Variants in CCSER1 observed in about 807,000 individuals in gnomAD.
CCSER1 encodes coiled-coil serine rich protein 1.
In CCSER1, 41 loss-of-function variants were observed where a neutral mutation model predicts 82.0. The observed-to-expected ratio is 0.50, with a 90% confidence interval of 0.39 to 0.65. CCSER1 has a LOEUF of 0.65. CCSER1 is among the 30% of genes least tolerant of loss of function. The probability of loss-of-function intolerance (pLI) is 0.00; values close to 1 mark genes in which losing one functional copy is unlikely to be tolerated. For synonymous variants in CCSER1, 414 were observed against 383.9 expected, an observed-to-expected ratio of 1.08 and a Z score of -0.92; for missense variants, 1,119 against 1,064.2, an observed-to-expected ratio of 1.05 and a Z score of -0.72.
intron 10 of CCSER1, among the ~76,000 whole-genome samples, chr4:91,315,263 G>A (rs1745752600): frequency 6.6e-6 from 1 of 151,828 alleles, no homozygotes; most frequent in South Asian, 2.1e-4. Flanking sequence ...CTCAGGAAAC[G>A]AGATGCAAAT....
In CCSER1 at chr4:90,309,230, T is replaced by G. The variant is rs774751061; in HGVS notation, c.946T>G (p.Cys316Gly). 10 of 1,613,836 alleles carry G rather than the reference T, an allele frequency of 6.2e-6. No homozygotes were observed. In the Admixed American group the frequency reaches 1.7e-4, roughly 27 times the overall value. ...TTTELTGTVPCAIMSPGKYRL... is the reference protein window; with the variant it reads ...TTTELTGTVPGAIMSPGKYRL... ...AACAGAACTTACGGGAACTGTTCCC[T>G]GTGCAATTATGTCTCCTGGGAAATA... Residue 316 changes from cysteine (C) to glycine (G), a missense_variant, in exon 2 of 11, where the codon TGT becomes GGT. By Grantham distance (159) the Cys-to-Gly change is radical (BLOSUM62 -3). Coordinates refer to ENST00000509176, the MANE Select transcript of CCSER1 (RefSeq NM_001145065.2).
intron 5 of CCSER1, among the ~76,000 whole-genome samples, chr4:90,578,396 C>G (rs372615675): frequency 1.3e-5 from 2 of 151,980 alleles, no homozygotes; most frequent in East Asian, 3.9e-4. Flanking sequence ...GACTCATGGC[C>G]CCTTTCTGCC....
chr4:90,993,395 A>G (rs747622087), intron 9 of CCSER1, among the ~76,000 whole-genome samples: 12 of 152,006 alleles, frequency 7.9e-5, no homozygotes, highest in Non-Finnish European at 1.3e-4. Context: ...TGCAGCTATA[A>G]TGGATAACTA....
At chr4:90,179,588 G>T (rs910099460) in intron 1 of CCSER1, among the ~76,000 whole-genome samples, 3 of 152,060 alleles carry the variant, frequency 2.0e-5, no homozygotes, top group Admixed American at 6.6e-5. Flanking sequence ...TTGCTGTTTT[G>T]CCCAGGCTGG....
intron 9 of CCSER1, among the ~76,000 whole-genome samples, chr4:90,968,911 G>T (rs1416118153): frequency 6.6e-6 from 1 of 151,240 alleles, no homozygotes; most frequent in East Asian, 1.9e-4. Context: ...CAGAAACACA[G>T]AAAAATGAAC....
At chr4:90,495,680 A>T (rs946188920) in intron 5 of CCSER1, among the ~76,000 whole-genome samples, 6 of 152,196 alleles carry the variant, frequency 3.9e-5, no homozygotes, top group African/African-American at 1.4e-4. Flanking sequence ...TTATATCATA[A>T]TGTCATTTAT....
chr4:91,069,986 A>ATT (rs70965471), intron 9 of CCSER1, among the ~76,000 whole-genome samples: 311 of 146,648 alleles, frequency 2.1e-3, no homozygotes, highest in African/African-American at 6.7e-3. Context: ...ACCTTTTTTA[A>ATT]TTTTTTTTTT....
intron 10 of CCSER1, among the ~76,000 whole-genome samples, chr4:91,594,628 T>G (rs903299198): frequency 6.6e-6 from 1 of 151,886 alleles, no homozygotes; most frequent in African/African-American, 2.4e-5. Context: ...CCAAAACATG[T>G]AGCATAAAAT....
chr4:90,693,845 G>T (rs1188580823), intron 6 of CCSER1, among the ~76,000 whole-genome samples: 2 of 151,310 alleles, frequency 1.3e-5, no homozygotes, highest in Admixed American at 6.6e-5. Context: ...TGCATATTTT[G>T]CACAATGCTA....
At chr4:90,329,690 A>ATT (rs1325049271) in intron 3 of CCSER1, among the ~76,000 whole-genome samples, 2 of 152,138 alleles carry the variant, frequency 1.3e-5, no homozygotes, top group African/African-American at 4.8e-5. Flanking sequence ...TTAGAAAAAA[A>ATT]TTAATTGAGC....
chr4:90,704,398 C>T (rs1738844259), intron 6 of CCSER1, among the ~76,000 whole-genome samples: 1 of 152,162 alleles, frequency 6.6e-6, no homozygotes, highest in Non-Finnish European at 1.5e-5. Context: ...TCTCTGGCTG[C>T]CCTTAACATT....
At chr4:90,858,797 T>A (rs1456872835) in intron 8 of CCSER1, among the ~76,000 whole-genome samples, 2 of 151,880 alleles carry the variant, frequency 1.3e-5, no homozygotes, top group Non-Finnish European at 2.9e-5. Context: ...AAATTTATAC[T>A]TTTTACTTAG....
intron 7 of CCSER1, among the ~76,000 whole-genome samples, chr4:90,782,681 CTTTCTTTTT>C (rs1753937826): frequency 8.1e-6 from 1 of 123,978 alleles, no homozygotes; most frequent in East Asian, 2.5e-4. Flanking sequence ...TCTTTTCTTT[CTTTCTTTTT>C]TTTTTTTTTT....
At chr4:91,486,751 T>C (rs1299543869) in intron 10 of CCSER1, among the ~76,000 whole-genome samples, 1 of 152,128 alleles carries the variant, frequency 6.6e-6, no homozygotes, top group Non-Finnish European at 1.5e-5. Context: ...TGCCATTTTA[T>C]ATAAGGGACT....
At chr4:90,203,871 A>G (rs1738245551) in intron 1 of CCSER1, among the ~76,000 whole-genome samples, 1 of 152,196 alleles carries the variant, frequency 6.6e-6, no homozygotes, top group Middle Eastern at 3.4e-3. Flanking sequence ...CTGATTTTTT[A>G]ATGATCACCA....
chr4:91,386,529 C>G (rs1186753438), intron 10 of CCSER1, among the ~76,000 whole-genome samples: 1 of 151,836 alleles, frequency 6.6e-6, no homozygotes, highest in Admixed American at 6.6e-5. Context: ...TTTGCAACCA[C>G]CATAATAAAG....
chr4:90,234,471 C>A (rs941983157), intron 1 of CCSER1, among the ~76,000 whole-genome samples: 1 of 152,160 alleles, frequency 6.6e-6, no homozygotes. Context: ...CCCGCCTTGG[C>A]CTCCCAAAGT....
At chr4:91,061,382 G>C (rs1172477412) in intron 9 of CCSER1, among the ~76,000 whole-genome samples, 10 of 151,940 alleles carry the variant, frequency 6.6e-5, no homozygotes, top group Non-Finnish European at 1.2e-4. Context: ...GGTGGCTCCA[G>C]CTTTGGGTCC....
At chr4:90,135,043 G>A (rs528290849) in intron 1 of CCSER1, among the ~76,000 whole-genome samples, 2 of 152,000 alleles carry the variant, frequency 1.3e-5, no homozygotes, top group African/African-American at 4.8e-5. Context: ...TTATTTTGTA[G>A]CTTTTGTCAA....
Sources: allele counts gnomAD v4.1 joint callset (sites outside exome capture counted in the v4.1 genomes callset), GRCh38; gene constraint gnomAD v4.1.1; transcripts MANE v1.5; gene names NCBI Gene and HGNC (gene_info 2026-07-23, HGNC 2026-07-21).